Variants in ITFG1 observed in about 807,000 individuals in gnomAD.
ITFG1 encodes integrin alpha FG-GAP repeat containing 1.
Under a neutral mutation model 81.8 loss-of-function variants are expected in ITFG1, and 34 were observed. The ratio of observed to expected loss-of-function variants is 0.42; its 90% CI spans 0.32 to 0.55. The LOEUF is 0.55. ITFG1 is among the 20% of genes least tolerant of loss of function. The pLI is 0.17. For synonymous variants in ITFG1, 285 were observed against 270.6 expected (o/e 1.05, Z -0.52); for missense variants, 672 against 755.4 (o/e 0.89, Z 1.29).
At chr16:47,304,077 TAAAC>T (rs1016045563) in intron 10 of ITFG1, among the ~76,000 whole-genome samples, 5 of 152,188 alleles carry the variant, frequency 3.3e-5, no homozygotes, top group African/African-American at 4.8e-5. Context: ...GAAACATAAA[TAAAC>T]AACCCTTTGG....
chr16:47,320,671 G>A (rs1967435245), intron 8 of ITFG1, among the ~76,000 whole-genome samples: 1 of 152,134 alleles, frequency 6.6e-6, no homozygotes, highest in Non-Finnish European at 1.5e-5. Context: ...GTGGAAGAAA[G>A]AATTTGGAAA....
chr16:47,287,595 G>T (rs1053835506), intron 10 of ITFG1, among the ~76,000 whole-genome samples: 4 of 151,878 alleles, frequency 2.6e-5, no homozygotes, highest in Middle Eastern at 3.2e-3. Flanking sequence ...TAGAGACAGG[G>T]CCTCACTATG....
At chr16:47,282,472 A>AT (rs1966460603) in intron 10 of ITFG1, among the ~76,000 whole-genome samples, 1 of 151,934 alleles carries the variant, frequency 6.6e-6, no homozygotes, top group Admixed American at 6.6e-5. Flanking sequence ...TGATATATAT[A>AT]TTTTTTTATC....
intron 8 of ITFG1, among the ~76,000 whole-genome samples, chr16:47,320,588 T>G (rs965968172): frequency 2.0e-5 from 3 of 152,220 alleles, no homozygotes; most frequent in Non-Finnish European, 4.4e-5. Flanking sequence ...CTCTTTCACT[T>G]TGTCTTTTAT....
chr16:47,460,691 G>A (rs1969522537), intron 1 of ITFG1, 147 bp downstream of exon 1: 1 of 848,430 alleles, frequency 1.2e-6, no homozygotes. Flanking sequence ...AAAAGGACAA[G>A]CTGTTAAGAA....
chr16:47,381,565 T>C (rs1567480671), intron 6 of ITFG1, among the ~76,000 whole-genome samples: 1 of 152,212 alleles, frequency 6.6e-6, no homozygotes. Context: ...AGCAGTATCA[T>C]AACTTATACT....
rs1966196930 is a variant in ITFG1, at chr16:47,260,546, T to A, written c.1220A>T (p.Asp407Val). ...CACACAGCCCAGCTCTGAACTCACATCTTCGTAAATGTCAAAGAAGGTGGC... is the reference window on the plus strand; with the variant it reads ...CACACAGCCCAGCTCTGAACTCACAACTTCGTAAATGTCAAAGAAGGTGGC... The part of the protein sequence containing the change: ...MVATFFDIYE[D>V]GILDIVVLSK... The change falls in exon 11 of 18, where the codon GAT becomes GTT. Residue 407 changes from aspartate to valine, a missense_variant and splice_region_variant. Physicochemically the swap from Asp to Val is radical, Grantham distance 152. Coordinates refer to ENST00000320640, the MANE Select transcript of ITFG1 (RefSeq NM_030790.5). 5 of 1,614,148 alleles carry A rather than the reference T, an allele frequency of 3.1e-6. No homozygotes were observed. The highest frequency in any genetic ancestry group is 4.2e-6 in the Non-Finnish European group (5 of 1,179,986).
At chr16:47,431,627 G>T (rs1969097134) in intron 5 of ITFG1, among the ~76,000 whole-genome samples, 1 of 152,104 alleles carries the variant, frequency 6.6e-6, no homozygotes, top group South Asian at 2.1e-4. Context: ...GTGCAAAATT[G>T]TAAATGTACT....
chr16:47,290,910 T>C (rs543291401), intron 10 of ITFG1, among the ~76,000 whole-genome samples: 177 of 152,354 alleles, frequency 1.2e-3, no homozygotes, highest in African/African-American at 4.1e-3. Flanking sequence ...TTTATTAATG[T>C]GGTTTCACAG....
intron 6 of ITFG1, among the ~76,000 whole-genome samples, chr16:47,416,888 G>A (rs1596969574): frequency 6.6e-6 from 1 of 152,212 alleles, no homozygotes; most frequent in Non-Finnish European, 1.5e-5. Context: ...AATGAGAAGT[G>A]TATACCATTT....
intron 10 of ITFG1, among the ~76,000 whole-genome samples, chr16:47,309,821 T>C (rs1967228705): frequency 6.6e-6 from 1 of 152,228 alleles, no homozygotes; most frequent in Non-Finnish European, 1.5e-5. Context: ...AAAACACTGT[T>C]GATAAAGAAC....
chr16:47,243,622 G>A (rs1037707771), intron 12 of ITFG1, among the ~76,000 whole-genome samples: 1 of 152,160 alleles, frequency 6.6e-6, no homozygotes, highest in African/African-American at 2.4e-5. Context: ...ATAACATTAT[G>A]GAATGATATG....
At chr16:47,330,980 T>C (rs780658268) in intron 8 of ITFG1, among the ~76,000 whole-genome samples, 4 of 152,110 alleles carry the variant, frequency 2.6e-5, no homozygotes, top group Admixed American at 1.3e-4. Flanking sequence ...GTGTATACAC[T>C]CAAAGGAAAA....
At chr16:47,197,285 G>C (rs998601283) in intron 14 of ITFG1, among the ~76,000 whole-genome samples, 1 of 152,198 alleles carries the variant, frequency 6.6e-6, no homozygotes, top group East Asian at 1.9e-4. Context: ...CTGCTACCTA[G>C]AGGTTTATCC....
intron 14 of ITFG1, among the ~76,000 whole-genome samples, chr16:47,192,723 G>C (rs1483225455): frequency 1.3e-5 from 2 of 152,144 alleles, no homozygotes; most frequent in Non-Finnish European, 2.9e-5. Flanking sequence ...CTTGAGGACA[G>C]GCCTTTGTTA....
chr16:47,401,787 C>T (rs956175386), intron 6 of ITFG1, among the ~76,000 whole-genome samples: 3 of 152,126 alleles, frequency 2.0e-5, no homozygotes, highest in African/African-American at 7.2e-5. Flanking sequence ...GGAGTCATGA[C>T]TTAAAGCACA....
At chr16:47,199,909 T>C (rs1472364327) in intron 14 of ITFG1, among the ~76,000 whole-genome samples, 1 of 151,910 alleles carries the variant, frequency 6.6e-6, no homozygotes, top group Non-Finnish European at 1.5e-5. Context: ...CCTAGATCCC[T>C]GGCAGTGCTG....
chr16:47,423,251 A>ATT lies in ITFG1; in HGVS notation c.655+5551_655+5552dup, dbSNP rs748793229. 1.7e-3 allele frequency among the ~76,000 whole-genome samples: 206 copies of ATT among 118,298 alleles called. 5 individuals carry two copies. The East Asian group carries it at 0.043, about 24-fold the overall frequency. The allele number at this position is 118,298 out of a possible 152,430, so 77.6% of individuals were successfully genotyped here. On this transcript the variant is annotated intron_variant, in intron 6 of 17. Transcript: ENST00000320640. ...TCAGAGACCAGGACTGCAATCCCTGATTTTTTTTTTTTTTTTTTTGCTTTC... is the reference window on the plus strand; with the variant it reads ...TCAGAGACCAGGACTGCAATCCCTGATTTTTTTTTTTTTTTTTTTTTGCTTTC...
intron 14 of ITFG1, among the ~76,000 whole-genome samples, chr16:47,186,232 A>G (rs1965213540): frequency 6.6e-6 from 1 of 152,218 alleles, no homozygotes; most frequent in African/African-American, 2.4e-5. Flanking sequence ...TCAACAGAAA[A>G]AGAGGGAATC....
Sources: allele counts gnomAD v4.1 joint callset (sites outside exome capture counted in the v4.1 genomes callset), GRCh38; gene constraint gnomAD v4.1.1; transcripts MANE v1.5; gene names NCBI Gene and HGNC (gene_info 2026-07-23, HGNC 2026-07-21).